RBFOX1: variants seen among roughly 807,000 people sequenced by gnomAD.
The protein encoded by RBFOX1 is RNA binding protein fox-1 homolog 1.
In RBFOX1, 8 loss-of-function variants were observed where a neutral mutation model predicts 57.7. The observed-to-expected ratio is 0.14, with a 90% CI of 0.08 to 0.25. The LOEUF is 0.25. RBFOX1 is among the 10% of genes least tolerant of loss of function. RBFOX1 has a pLI of 1.00. For missense variants in RBFOX1, 611 were observed against 548.5 expected, an observed-to-expected ratio of 1.11 and a Z score of -1.14; for synonymous variants, 326 against 222.4, an observed-to-expected ratio of 1.47 and a Z score of -4.15.
intron 1 of RBFOX1, among the ~76,000 whole-genome samples, chr16:5,376,831 C>A (rs766185075): frequency 2.7e-5 from 4 of 150,382 alleles, no homozygotes; most frequent in Admixed American, 6.6e-5. Context: ...GCAGCCTCAG[C>A]CAGTGATGTT....
intron 1 of RBFOX1, among the ~76,000 whole-genome samples, chr16:5,259,990 C>G (rs1020112161): frequency 6.6e-6 from 1 of 152,082 alleles, no homozygotes; most frequent in Non-Finnish European, 1.5e-5. Flanking sequence ...CACTTGAGGC[C>G]GAGAGTTTGA....
chr16:7,505,373 C>T (rs989518316), intron 4 of RBFOX1, among the ~76,000 whole-genome samples: 1 of 152,028 alleles, frequency 6.6e-6, no homozygotes, highest in African/African-American at 2.4e-5. Context: ...AAGACAGGGT[C>T]CTCTGAGACC....
At chr16:6,836,524 G>C (rs968290515) in intron 3 of RBFOX1, among the ~76,000 whole-genome samples, 1 of 152,162 alleles carries the variant, frequency 6.6e-6, no homozygotes, top group African/African-American at 2.4e-5. Context: ...GTTAGCCTTA[G>C]GGTATGACCA....
At chr16:6,174,543 T>C (rs2096988616) in intron 1 of RBFOX1, among the ~76,000 whole-genome samples, 1 of 152,068 alleles carries the variant, frequency 6.6e-6, no homozygotes, top group East Asian at 1.9e-4. Context: ...TTCAGTGAGC[T>C]GTGATCATGC....
chr16:6,719,179 T>A (rs1324388173), intron 3 of RBFOX1, among the ~76,000 whole-genome samples: 1 of 152,180 alleles, frequency 6.6e-6, no homozygotes, highest in African/African-American at 2.4e-5. Context: ...GATGTGTACA[T>A]ATTTCTATGC....
intron 3 of RBFOX1, among the ~76,000 whole-genome samples, chr16:6,978,318 C>G (rs1020425443): frequency 6.6e-6 from 1 of 152,168 alleles, no homozygotes; most frequent in Non-Finnish European, 1.5e-5. Context: ...AATTGGGATT[C>G]TTTTATCCCG....
intron 3 of RBFOX1, among the ~76,000 whole-genome samples, chr16:7,001,105 A>C (rs1439222637): frequency 1.3e-5 from 2 of 152,172 alleles, no homozygotes; most frequent in East Asian, 1.9e-4. Context: ...TGAGAAAAAT[A>C]GGGGCATCTG....
chr16:6,865,941 T>C (rs1450139964), intron 3 of RBFOX1, among the ~76,000 whole-genome samples: 1 of 152,116 alleles, frequency 6.6e-6, no homozygotes, highest in Non-Finnish European at 1.5e-5. Flanking sequence ...ATTTGGTTCT[T>C]GCACAGTAAT....
At position 6,232,137 on chromosome 16, in the gene RBFOX1, A is replaced by T. The variant is rs144797207; in HGVS notation, c.-126-84858A>T. ...TTCCTTAAAAATGTATTGAATGCCT[A>T]AGTGCTCATTTTGCAAGGGCAGCAG... On this transcript the variant is annotated intron_variant, in intron 1 of 15. Transcript: ENST00000550418. Among the ~76,000 whole-genome samples, 564 of 152,260 alleles carry T rather than the reference A, an allele frequency of 3.7e-3. 17 individuals carry two copies. The highest frequency in any genetic ancestry group is 7.9e-4 in the Non-Finnish European group (54 of 68,018).
At chr16:6,522,189 G>A (rs1388068041) in intron 2 of RBFOX1, among the ~76,000 whole-genome samples, 3 of 151,482 alleles carry the variant, frequency 2.0e-5, no homozygotes. Context: ...GTGTGTGTGT[G>A]TGTGTGTCTT....
chr16:7,342,988 T>C (rs1008324192), intron 4 of RBFOX1, among the ~76,000 whole-genome samples: 6 of 152,130 alleles, frequency 3.9e-5, no homozygotes, highest in Non-Finnish European at 5.9e-5. Flanking sequence ...GTCCAGAACA[T>C]GCTGGGACTG....
chr16:6,485,737 G>T (rs907841582), intron 2 of RBFOX1, among the ~76,000 whole-genome samples: 10 of 152,110 alleles, frequency 6.6e-5, no homozygotes, highest in African/African-American at 2.2e-4. Context: ...CAAATTGAGG[G>T]TTTATACGAA....
chr16:7,415,639 A>C (rs1294315063), intron 4 of RBFOX1, among the ~76,000 whole-genome samples: 1 of 152,158 alleles, frequency 6.6e-6, no homozygotes, highest in African/African-American at 2.4e-5. Flanking sequence ...CCAGCATTGT[A>C]TTCTCTGTTC....
chr16:7,128,975 C>A (rs1252066399), intron 4 of RBFOX1, among the ~76,000 whole-genome samples: 2 of 151,906 alleles, frequency 1.3e-5, no homozygotes, highest in Admixed American at 6.6e-5. Flanking sequence ...TGCATGACAC[C>A]ACGCCCAGTT....
At chr16:6,789,836 C>A (rs1250594564) in intron 3 of RBFOX1, among the ~76,000 whole-genome samples, 2 of 151,918 alleles carry the variant, frequency 1.3e-5, no homozygotes, top group South Asian at 2.1e-4. Flanking sequence ...CTTTCTCCCA[C>A]CTTTTTCTTC....
chr16:7,509,527 C>T (rs909416467), intron 4 of RBFOX1, among the ~76,000 whole-genome samples: 2 of 151,966 alleles, frequency 1.3e-5, no homozygotes, highest in Admixed American at 1.3e-4. Flanking sequence ...TCCCATTAAA[C>T]AGAAGCAAAA....
intron 3 of RBFOX1, among the ~76,000 whole-genome samples, chr16:6,980,328 T>A (rs1568201481): frequency 6.6e-6 from 1 of 152,230 alleles, no homozygotes; most frequent in African/African-American, 2.4e-5. Flanking sequence ...ACCTATTCGT[T>A]TTTTGTTCCA....
At position 7,710,383 on chromosome 16, in the gene RBFOX1, T is replaced by C. The variant is rs949380406; in HGVS notation, c.1072-240T>C. 1.3e-5 allele frequency: 18 copies of C among 1,370,124 alleles called. No individual in the cohort carries two copies. The Admixed American group carries it at 1.8e-4, about 14-fold the overall frequency. 84.9% of individuals were successfully genotyped at this position (1,370,124 alleles called of 1,614,324 possible). A position where few individuals can be genotyped will look rare whatever the true frequency, so the allele number is the denominator to read the frequency against. On this transcript the variant is annotated intron_variant, in intron 15 of 15. Transcript: ENST00000550418. Reference sequence around the variant, plus strand: ...ATTGTCCAGCTTATAATAGAGTCCTTTTAGCTAAGAGGACTGGCTGACAGA... The same window carrying C: ...ATTGTCCAGCTTATAATAGAGTCCTCTTAGCTAAGAGGACTGGCTGACAGA...
At chr16:5,401,374 G>A (rs559425235) in intron 1 of RBFOX1, among the ~76,000 whole-genome samples, 1 of 152,198 alleles carries the variant, frequency 6.6e-6, no homozygotes, top group African/African-American at 2.4e-5. Flanking sequence ...CAATGTTCCT[G>A]TTTATGCTCC....
Sources: allele counts gnomAD v4.1 joint callset (sites outside exome capture counted in the v4.1 genomes callset), GRCh38; gene constraint gnomAD v4.1.1; transcripts MANE v1.5; gene names NCBI Gene and HGNC (gene_info 2026-07-23, HGNC 2026-07-21).